Variants in CHRM3 observed in about 807,000 individuals in gnomAD.
CHRM3 encodes cholinergic receptor muscarinic 3.
CHRM3 carries 11 observed loss-of-function variants against 41.8 expected under a neutral mutation model. The observed-to-expected ratio is 0.26, with a 90% confidence interval of 0.17 to 0.44. The LOEUF (loss-of-function observed/expected upper bound fraction) is 0.44, where lower values mean the gene tolerates loss of function less well. Among genes scored for constraint, CHRM3 ranks in the 20% least tolerant of loss-of-function variants. The pLI is 1.00. For synonymous variants in CHRM3, 297 were observed against 301.4 expected (o/e 0.99, Z 0.15); for missense variants, 571 against 745.4 (o/e 0.77, Z 2.72).
chr1:239,550,539 T>A (rs886755893), intron 3 of CHRM3, among the ~76,000 whole-genome samples: 2 of 152,232 alleles, frequency 1.3e-5, no homozygotes, highest in African/African-American at 2.4e-5. Flanking sequence ...TTTGGCATGT[T>A]ACAGAGATTT....
At chr1:239,646,375 C>T (rs372150395) in intron 4 of CHRM3, among the ~76,000 whole-genome samples, 20 of 152,232 alleles carry the variant, frequency 1.3e-4, no homozygotes, top group African/African-American at 3.6e-4. Context: ...AATGCTATGG[C>T]TGTTAAGTAT....
At chr1:239,766,732 G>T (rs1353817933) in intron 5 of CHRM3, among the ~76,000 whole-genome samples, 1 of 140,266 alleles carries the variant, frequency 7.1e-6, no homozygotes, top group Middle Eastern at 3.5e-3. Context: ...TTTTCTTTGA[G>T]ACAGAATCTT....
chr1:239,843,291 T>G (rs1673975862), intron 6 of CHRM3, among the ~76,000 whole-genome samples: 1 of 152,058 alleles, frequency 6.6e-6, no homozygotes, highest in Non-Finnish European at 1.5e-5. Flanking sequence ...GGTATTCACC[T>G]CCTCTAATCA....
chr1:239,559,065 G>T (rs1660631442), intron 3 of CHRM3, among the ~76,000 whole-genome samples: 1 of 152,064 alleles, frequency 6.6e-6, no homozygotes, highest in Non-Finnish European at 1.5e-5. Flanking sequence ...CTTAACCACT[G>T]ACATAAGCTT....
intron 5 of CHRM3, among the ~76,000 whole-genome samples, chr1:239,724,685 CA>C (rs1663275054): frequency 6.6e-6 from 1 of 151,742 alleles, no homozygotes; most frequent in South Asian, 2.1e-4. Flanking sequence ...ATAGATATTC[CA>C]AATATACCTG....
intron 5 of CHRM3, among the ~76,000 whole-genome samples, chr1:239,683,571 T>C (rs1658781104): frequency 6.6e-6 from 1 of 152,202 alleles, no homozygotes; most frequent in African/African-American, 2.4e-5. Context: ...ATTAAGGAGA[T>C]GTGCTAGGTC....
intron 4 of CHRM3, among the ~76,000 whole-genome samples, chr1:239,662,687 C>T (rs1673320680): frequency 6.6e-6 from 1 of 152,066 alleles, no homozygotes; most frequent in African/African-American, 2.4e-5. Context: ...TAATAGTTTT[C>T]TGCAATGGAT....
intron 1 of CHRM3, among the ~76,000 whole-genome samples, chr1:239,455,135 T>C (rs1664832462): frequency 6.6e-6 from 1 of 152,154 alleles, no homozygotes; most frequent in African/African-American, 2.4e-5. Context: ...CAGCGCAGCC[T>C]CTGCCACCCG....
chr1:239,517,602 G>T (rs1461095031), intron 2 of CHRM3, among the ~76,000 whole-genome samples: 4 of 152,138 alleles, frequency 2.6e-5, no homozygotes, highest in African/African-American at 9.7e-5. Context: ...CATTATTGAT[G>T]GTAGCCAGGT....
intron 5 of CHRM3, chr1:239,719,039 A>G (rs1161325295): frequency 2.0e-5 from 3 of 152,052 alleles, no homozygotes; most frequent in African/African-American, 7.2e-5. Flanking sequence ...AGAGAGGTCC[A>G]GTGTAGAATA....
In CHRM3 at chr1:239,387,059, C is replaced by G. The variant is rs1388506588; in HGVS notation, c.-689C>G. The G allele has an allele frequency of 6.6e-6, 1 of 152,314 alleles. No individual in the cohort carries two copies. The highest frequency in any genetic ancestry group is 1.5e-5 in the Non-Finnish European group (1 of 68,216). 9.4% of individuals were successfully genotyped at this position (152,314 alleles called of 1,614,324 possible). ...GGCCGCAGCAGCGCTTCTGGGAAGA[C>G]GGGCGATGAACTGAAGGGCGGCTCC... is the stretch of plus-strand genomic sequence containing the variant. On this transcript the variant is annotated 5_prime_UTR_variant, in exon 1 of 7. Coordinates refer to ENST00000676153, the MANE Select transcript of CHRM3 (RefSeq NM_001375978.1). This position sits in a 1 kb window ranked among gnomAD's most constrained non-coding sequence, Gnocchi z 5.1.
chr1:239,738,371 G>A (rs1664564024), intron 5 of CHRM3, among the ~76,000 whole-genome samples: 1 of 152,154 alleles, frequency 6.6e-6, no homozygotes, highest in African/African-American at 2.4e-5. Flanking sequence ...TGCCCTGTCG[G>A]GAGAGCCCTG....
At chr1:239,463,644 T>G (rs1355335369) in intron 1 of CHRM3, among the ~76,000 whole-genome samples, 1 of 152,188 alleles carries the variant, frequency 6.6e-6, no homozygotes, top group East Asian at 1.9e-4. Context: ...TCCCCATAAT[T>G]ATTAACTGTT....
chr1:239,883,900 CA>C (rs1230300158), intron 6 of CHRM3, among the ~76,000 whole-genome samples: 2 of 152,180 alleles, frequency 1.3e-5, no homozygotes, highest in Non-Finnish European at 2.9e-5. Flanking sequence ...TTTGAAAGAG[CA>C]TCTCTCCTCT....
chr1:239,392,368 A>G (rs1432030274), intron 1 of CHRM3, among the ~76,000 whole-genome samples: 1 of 152,198 alleles, frequency 6.6e-6, no homozygotes, highest in Non-Finnish European at 1.5e-5. Context: ...TATCCACTAC[A>G]GAATTAATCC....
intron 3 of CHRM3, among the ~76,000 whole-genome samples, chr1:239,610,210 A>AAAAAAAAC (rs1666862425): frequency 3.3e-5 from 5 of 149,256 alleles, no homozygotes; most frequent in African/African-American, 1.3e-4. Flanking sequence ...AAAAAAAAAA[A>AAAAAAAAC]AGGACTATAA....
At chr1:239,408,529 A>AC (rs1660808786) in intron 1 of CHRM3, among the ~76,000 whole-genome samples, 1 of 150,480 alleles carries the variant, frequency 6.6e-6, no homozygotes, top group East Asian at 2.0e-4. Context: ...GTCAAAAAAA[A>AC]AAAAAAAAAA....
At chr1:239,667,489 G>C (rs1457593748) in intron 4 of CHRM3, among the ~76,000 whole-genome samples, 1 of 152,086 alleles carries the variant, frequency 6.6e-6, no homozygotes, top group Non-Finnish European at 1.5e-5. Context: ...GGCTTTTCAT[G>C]ATCACCCTGC....
At chr1:239,765,929 G>C (rs1255206689) in intron 5 of CHRM3, among the ~76,000 whole-genome samples, 1 of 151,482 alleles carries the variant, frequency 6.6e-6, no homozygotes, top group Admixed American at 6.6e-5. Context: ...CAATTCTCCG[G>C]TCTCAGCCTC....
Sources: gnomAD v4.1 joint callset for allele counts (sites outside exome capture counted in the v4.1 genomes callset) on GRCh38, gnomAD v4.1.1 for gene constraint, Gnocchi (gnomAD v3.1) non-coding constraint, MANE v1.5 for transcripts, NCBI Gene and HGNC (gene_info 2026-07-23, HGNC 2026-07-21) for gene names.